The following GRIN2A variants were observed in gnomAD, a reference collection of about 807,000 sequenced individuals.
GRIN2A encodes the protein glutamate ionotropic receptor NMDA type subunit 2A, also known as glutamate receptor ionotropic, NMDA 2A.
In GRIN2A, 22 loss-of-function variants were observed where a neutral mutation model predicts 113.4. The ratio of observed to expected loss-of-function variants is 0.19; its 90% CI spans 0.14 to 0.28. The LOEUF (loss-of-function observed/expected upper bound fraction) is 0.28. GRIN2A is among the 10% of genes least tolerant of loss of function. The pLI, the probability that GRIN2A is intolerant of heterozygous loss-of-function variation, is 1.00. For synonymous variants in GRIN2A, 827 were observed against 738.4 expected, an observed-to-expected ratio of 1.12 and a Z score of -1.94; for missense variants, 1,502 against 1,887.0, an observed-to-expected ratio of 0.80 and a Z score of 3.78.
chr16:9,992,362 G>C (rs1048843271), intron 2 of GRIN2A, among the ~76,000 whole-genome samples: 3 of 152,156 alleles, frequency 2.0e-5, no homozygotes, highest in Non-Finnish European at 2.9e-5. Context: ...ATGTGAAGAT[G>C]GAACAGGGAA....
intron 12 of GRIN2A, among the ~76,000 whole-genome samples, chr16:9,767,594 AC>A (rs549980803): frequency 6.7e-4 from 102 of 152,134 alleles, no homozygotes; most frequent in African/African-American, 2.3e-3. Flanking sequence ...ACAAAAAAAA[AC>A]ACAAACAAAA....
At chr16:9,813,125 A>G (rs2042117652) in intron 10 of GRIN2A, among the ~76,000 whole-genome samples, 1 of 152,242 alleles carries the variant, frequency 6.6e-6, no homozygotes, top group South Asian at 2.1e-4. Flanking sequence ...TATTTCTTGT[A>G]GTACCCTTCA....
At chr16:10,098,110 A>C (rs1413990760) in intron 2 of GRIN2A, among the ~76,000 whole-genome samples, 1 of 152,160 alleles carries the variant, frequency 6.6e-6, no homozygotes, top group Non-Finnish European at 1.5e-5. Context: ...AACAATTAGC[A>C]AACAAATTAG....
At chr16:9,956,859 C>T (rs1193532484) in intron 2 of GRIN2A, among the ~76,000 whole-genome samples, 2 of 152,116 alleles carry the variant, frequency 1.3e-5, no homozygotes, top group Non-Finnish European at 2.9e-5. Context: ...GAAGGTGCTT[C>T]ATATGCAAAG....
intron 2 of GRIN2A, among the ~76,000 whole-genome samples, chr16:9,999,046 A>G (rs2046277249): frequency 6.6e-6 from 1 of 152,182 alleles, no homozygotes; most frequent in African/African-American, 2.4e-5. Context: ...AGAGGTTCCA[A>G]CAACTCACAA....
chr16:10,160,038 A>T (rs1310088204), intron 2 of GRIN2A, among the ~76,000 whole-genome samples: 3 of 152,228 alleles, frequency 2.0e-5, no homozygotes, highest in Non-Finnish European at 2.9e-5. Flanking sequence ...AGCTTTGCTG[A>T]CACCTTCATT....
chr16:9,911,240 A>C (rs1173543491), intron 3 of GRIN2A, among the ~76,000 whole-genome samples: 1 of 152,162 alleles, frequency 6.6e-6, no homozygotes, highest in East Asian at 1.9e-4. Flanking sequence ...TAATCACAGC[A>C]TTCTGGGAGG....
intron 2 of GRIN2A, among the ~76,000 whole-genome samples, chr16:10,142,155 A>G (rs2049339889): frequency 6.6e-6 from 1 of 152,144 alleles, no homozygotes; most frequent in South Asian, 2.1e-4. Context: ...ACGAACCCAC[A>G]AGAAGATATT....
chr16:9,780,228 G>A (rs546089160), intron 11 of GRIN2A, among the ~76,000 whole-genome samples: 10 of 152,296 alleles, frequency 6.6e-5, no homozygotes, highest in Admixed American at 2.0e-4. Context: ...TTGAGTAGAC[G>A]CGCTCTATTA....
At chr16:9,849,698 G>T in intron 5 of GRIN2A, 58 bp downstream of exon 5, 2 of 1,217,300 alleles carry the variant, frequency 1.6e-6, no homozygotes, top group Non-Finnish European at 1.2e-6. Context: ...TACTATCGAT[G>T]ATCCATGCTA....
At chr16:9,982,156 T>A (rs553548728) in intron 2 of GRIN2A, among the ~76,000 whole-genome samples, 1 of 152,320 alleles carries the variant, frequency 6.6e-6, no homozygotes, top group Admixed American at 6.5e-5. Context: ...GGTCTTTTGT[T>A]GCAGTTTCCA....
intron 2 of GRIN2A, among the ~76,000 whole-genome samples, chr16:10,167,746 C>T (rs886925344): frequency 5.3e-5 from 8 of 152,096 alleles, no homozygotes; most frequent in Non-Finnish European, 1.2e-4. Context: ...AAAATGGAGA[C>T]AATATATCAA....
At chr16:10,101,710 C>A (rs1220605788) in intron 2 of GRIN2A, among the ~76,000 whole-genome samples, 2 of 152,198 alleles carry the variant, frequency 1.3e-5, no homozygotes, top group Non-Finnish European at 2.9e-5. Context: ...CTTTACCAAT[C>A]CCTGCCTTGG....
At chr16:10,095,376 T>C (rs951280562) in intron 2 of GRIN2A, among the ~76,000 whole-genome samples, 1 of 152,172 alleles carries the variant, frequency 6.6e-6, no homozygotes, top group African/African-American at 2.4e-5. Context: ...TCTGAGACAA[T>C]TTAAGCATAA....
At chr16:10,134,640 A>AG (rs2049153759) in intron 2 of GRIN2A, among the ~76,000 whole-genome samples, 2 of 152,064 alleles carry the variant, frequency 1.3e-5, no homozygotes, top group Non-Finnish European at 2.9e-5. Context: ...AATAAAAAAA[A>AG]AATTTAGGGA....
At chr16:10,053,165 G>C (rs1353047000) in intron 2 of GRIN2A, among the ~76,000 whole-genome samples, 1 of 152,174 alleles carries the variant, frequency 6.6e-6, no homozygotes, top group Non-Finnish European at 1.5e-5. Flanking sequence ...ATGGAGAAGA[G>C]TAGGATGGAG....
intron 2 of GRIN2A, among the ~76,000 whole-genome samples, chr16:10,040,893 A>C (rs1478928630): frequency 6.6e-6 from 1 of 152,240 alleles, no homozygotes; most frequent in East Asian, 1.9e-4. Context: ...ATGCTCTGCG[A>C]AAGCGGCCCC....
At chr16:10,011,373 A>T (rs917350113) in intron 2 of GRIN2A, among the ~76,000 whole-genome samples, 1 of 152,210 alleles carries the variant, frequency 6.6e-6, no homozygotes, top group Non-Finnish European at 1.5e-5. Flanking sequence ...GCAAGTAAAA[A>T]GTTACAACTG....
At chr16:9,870,775 C>G (rs1185396133) in intron 4 of GRIN2A, among the ~76,000 whole-genome samples, 1 of 151,900 alleles carries the variant, frequency 6.6e-6, no homozygotes, top group Non-Finnish European at 1.5e-5. Context: ...GTAGCTGAAA[C>G]TACAGGCACA....
Sources: gnomAD v4.1 joint callset for allele counts (sites outside exome capture counted in the v4.1 genomes callset) on GRCh38, gnomAD v4.1.1 for gene constraint, MANE v1.5 for transcripts, NCBI Gene and HGNC (gene_info 2026-07-23, HGNC 2026-07-21) for gene names.